The following FAM186A variants were observed in gnomAD, a reference collection of about 807,000 sequenced individuals.
FAM186A encodes family with sequence similarity 186 member A.
FAM186A carries 163 observed loss-of-function variants against 216.8 expected under a neutral mutation model. That is an observed-to-expected ratio of 0.75 (90% CI 0.66 to 0.86). FAM186A has a LOEUF of 0.86. FAM186A is among the 40% of genes least tolerant of loss of function. The probability of loss-of-function intolerance (pLI) is 0.00; values close to 1 mark genes in which losing one functional copy is unlikely to be tolerated. For synonymous variants in FAM186A, 805 were observed against 1,025.3 expected, an observed-to-expected ratio of 0.79 and a Z score of 4.10; for missense variants, 2,184 against 2,746.2, an observed-to-expected ratio of 0.80 and a Z score of 4.58.
At chr12:50,338,593 G>A (rs117272199) in intron 4 of FAM186A, among the ~76,000 whole-genome samples, 2,466 of 152,248 alleles carry the variant, frequency 0.016, 26 homozygotes, top group Non-Finnish European at 0.026. Flanking sequence ...ACCAAGATCT[G>A]CTTGACTTCA....
intron 3 of FAM186A, among the ~76,000 whole-genome samples, chr12:50,356,855 C>T (rs1225022881): frequency 6.6e-6 from 1 of 152,156 alleles, no homozygotes; most frequent in East Asian, 1.9e-4. Context: ...AAAAATTAGC[C>T]AGGCGTGATG....
At chr12:50,365,973 A>C in intron 1 of FAM186A, 1 of 767,768 alleles carries the variant, frequency 1.3e-6, no homozygotes, top group Non-Finnish European at 2.4e-6. Flanking sequence ...GGGTATCACT[A>C]GGCTAAAACT....
intron 1 of FAM186A, among the ~76,000 whole-genome samples, chr12:50,395,792 G>A (rs561204805): frequency 6.6e-6 from 1 of 151,086 alleles, no homozygotes; most frequent in East Asian, 1.9e-4. Flanking sequence ...ATAGAGTTTC[G>A]CTTTTGTTGC....
At chr12:50,369,414 C>G (rs1431373978) in intron 1 of FAM186A, among the ~76,000 whole-genome samples, 1 of 150,520 alleles carries the variant, frequency 6.6e-6, no homozygotes, top group African/African-American at 2.4e-5. Context: ...TTACTTGAAC[C>G]CGGGAGGCAG....
intron 3 of FAM186A, among the ~76,000 whole-genome samples, chr12:50,358,174 T>G (rs899064022): frequency 9.9e-5 from 15 of 152,138 alleles, no homozygotes; most frequent in African/African-American, 3.6e-4. Flanking sequence ...ATTGATACAT[T>G]TATTGGATTT....
Position 50,364,586 on chromosome 12 carries a change from AAAT to A in FAM186A, c.193-1225_193-1223del, listed in dbSNP as rs1943069831. 2.0e-5 allele frequency among the ~76,000 whole-genome samples: 3 copies of A among 150,532 alleles called. No individual in the cohort carries two copies. In the South Asian group the frequency reaches 6.3e-4, roughly 32 times the overall value. On this transcript the variant is annotated intron_variant, in intron 1 of 7. Coordinates refer to ENST00000327337, the MANE Select transcript of FAM186A (RefSeq NM_001145475.3). ...ATAAATAAATAAATAAATAAAATAA[AAAT>A]AAAAATAAAATAATATAAAATATAA...
Position 50,332,117 on chromosome 12 carries a change from A to C in FAM186A, c.6697-296T>G, listed in dbSNP as rs553805802. Among the ~76,000 whole-genome samples the C allele has an allele frequency of 7.2e-5, 11 of 152,342 alleles. No individual in the cohort carries two copies. The South Asian group carries it at 2.3e-3, about 32-fold the overall frequency. The stretch of plus-strand genomic sequence containing the variant: ...CTTTCTCCTCATTTCTAAAACAGGG[A>C]TAATAACACAGGGTTGTGAGAATTG... On this transcript the variant is annotated intron_variant, in intron 5 of 7. Coordinates refer to ENST00000327337, the MANE Select transcript of FAM186A (RefSeq NM_001145475.3).
At chr12:50,336,818 C>T (rs1259670200) in intron 4 of FAM186A, among the ~76,000 whole-genome samples, 1 of 150,332 alleles carries the variant, frequency 6.7e-6, no homozygotes, top group African/African-American at 2.5e-5. Flanking sequence ...TTTGGATCTT[C>T]TCTTATTTTT....
chr12:50,365,038 CAAAAAA>C (rs61497355), intron 1 of FAM186A, among the ~76,000 whole-genome samples: 14 of 110,804 alleles, frequency 1.3e-4, no homozygotes, highest in East Asian at 1.1e-3. Context: ...AACTCCGTCT[CAAAAAA>C]AAAAAAAAAA....
chr12:50,379,488 A>C (rs1592630731), intron 1 of FAM186A, among the ~76,000 whole-genome samples: 1 of 148,694 alleles, frequency 6.7e-6, no homozygotes, highest in Admixed American at 6.7e-5. Flanking sequence ...ACAAAAACAA[A>C]AAAAAACTAA....
At chr12:50,361,281 C>G (rs1427330572) in intron 2 of FAM186A, among the ~76,000 whole-genome samples, 2 of 152,240 alleles carry the variant, frequency 1.3e-5, no homozygotes, top group Non-Finnish European at 2.9e-5. Context: ...TCACTGCAAC[C>G]TCTGCCTCCC....
In FAM186A at chr12:50,351,291, T is replaced by G; in HGVS notation, c.5541A>C (p.Gly1847=). The G allele has an allele frequency of 6.5e-7, 1 of 1,540,108 alleles. No homozygotes were observed. Among genetic ancestry groups the G allele is most frequent in the Non-Finnish European group, 8.8e-7 (1 of 1,142,692 alleles). The part of the protein sequence containing the change: ...PFIAGVPPTS[G]QIPSLWAPLS... The stretch of plus-strand genomic sequence containing the variant: ...GAGGAGCCCAGAGACTTGGAATCTG[T>G]CCAGAAGTGGGTGGAACTCCAGCTA... The change falls in exon 4 of 8, where the codon GGA becomes GGC. Residue 1847 remains glycine (G), a synonymous_variant. Transcript: ENST00000327337.
In FAM186A at chr12:50,351,530, T is replaced by G; in HGVS notation, c.5302A>C (p.Asn1768His). 6.6e-7 allele frequency: 1 copy of G among 1,523,002 alleles called. No homozygotes were observed. Among genetic ancestry groups the G allele is most frequent in the South Asian group, 1.3e-5 (1 of 78,798 alleles). The allele number at this position is 1,523,002 out of a possible 1,614,324, so 94.3% of individuals were successfully genotyped here. The change falls in exon 4 of 8, where the codon AAC (asparagine) becomes CAC (histidine). Residue 1768 changes from asparagine (N) to histidine (H), a missense_variant. Around this residue, in one of 7 missense-constraint regions of FAM186A, gnomAD observed 721 missense variants for 816.4 expected, o/e 0.88. Coordinates refer to ENST00000327337, the MANE Select transcript of FAM186A (RefSeq NM_001145475.3). ...TPLQISRVPL[N>H]QGPFAPGKPL... Reference sequence around the variant, plus strand: ...TTCCCAGGGGCAAAGGGGCCTTGGTTGAGGGGAACCCTTGATATCTGCAAA... The same window carrying G: ...TTCCCAGGGGCAAAGGGGCCTTGGTGGAGGGGAACCCTTGATATCTGCAAA...
At position 50,334,086 on chromosome 12, in the gene FAM186A, C is replaced by A; in HGVS notation, c.6521G>T (p.Arg2174Leu). 6.5e-7 allele frequency: 1 copy of A among 1,546,386 alleles called. No homozygotes were observed. The highest frequency in any genetic ancestry group is 8.7e-7 in the Non-Finnish European group (1 of 1,145,496). Reference protein sequence around the residue: ...IQHARNNIMKRLKAIQNTGKG... With the variant: ...IQHARNNIMKLLKAIQNTGKG... ...CCCAGTATTTTGGATGGCTTTTAGT[C>A]GTTTCATTATGTTGTTCCTTGAAAA... Residue 2174 changes from arginine to leucine, a missense_variant, in exon 5 of 8, where the codon CGA becomes CTA. Arg to Leu is a moderately radical substitution (Grantham distance 102). Coordinates refer to ENST00000327337, the MANE Select transcript of FAM186A (RefSeq NM_001145475.3).
chr12:50,384,302 G>A (rs754955993), intron 1 of FAM186A, among the ~76,000 whole-genome samples: 2 of 151,970 alleles, frequency 1.3e-5, no homozygotes, highest in Non-Finnish European at 2.9e-5. Flanking sequence ...ACTGGGTGTG[G>A]TAGTCCTAGA....
At chr12:50,331,534 G>A (rs1422457032) in intron 6 of FAM186A, 136 bp downstream of exon 6, 8 of 808,700 alleles carry the variant, frequency 9.9e-6, no homozygotes, top group African/African-American at 7.3e-5. Flanking sequence ...GAGCCACCGC[G>A]CCCAGCCTAA....
At chr12:50,382,555 C>A (rs1943263053) in intron 1 of FAM186A, among the ~76,000 whole-genome samples, 1 of 151,742 alleles carries the variant, frequency 6.6e-6, no homozygotes, top group South Asian at 2.1e-4. Context: ...CAAAAATTAG[C>A]CAGGTGTGGT....
In FAM186A at chr12:50,355,931, GCTC is replaced by G. The variant is rs1412039412; in HGVS notation, c.898_900del (p.Glu300del). 1.3e-6 allele frequency: 2 copies of G among 1,551,506 alleles called. No individual in the cohort carries two copies. The highest frequency in any genetic ancestry group is 3.9e-5 in the Admixed American group (2 of 50,984). On this transcript the variant is annotated inframe_deletion, in exon 4 of 8. Transcript: ENST00000327337. The stretch of plus-strand genomic sequence containing the variant: ...AGATCTCGTATTATCTTCAGAGAGA[GCTC>G]CTTTTCTGCTTCACTTGTCTCATGT...
chr12:50,394,017 C>T (rs987817103), intron 1 of FAM186A, among the ~76,000 whole-genome samples: 1 of 151,978 alleles, frequency 6.6e-6, no homozygotes, highest in Non-Finnish European at 1.5e-5. Flanking sequence ...CTTTCGGGCT[C>T]AAGTGATTCT....
Sources: allele counts gnomAD v4.1 joint callset (sites outside exome capture counted in the v4.1 genomes callset), GRCh38; gene constraint gnomAD v4.1.1; regional missense constraint gnomAD v4.1.1; transcripts MANE v1.5; gene names NCBI Gene and HGNC (gene_info 2026-07-23, HGNC 2026-07-21).